Variants in SCO1 observed in about 807,000 individuals in gnomAD.
The protein encoded by SCO1 is cytochrome c oxidase assembly factor SCO1.
SCO1 carries 23 observed loss-of-function variants against 34.0 expected under a neutral mutation model. The observed-to-expected ratio is 0.68, with a 90% confidence interval of 0.49 to 0.96. The LOEUF (loss-of-function observed/expected upper bound fraction) is 0.96. Ranked by LOEUF, SCO1 falls within the 40% of genes least tolerant of loss-of-function variation. The pLI is 0.00. For synonymous variants in SCO1, 161 were observed against 145.5 expected, an observed-to-expected ratio of 1.11 and a Z score of -0.77; for missense variants, 404 against 381.6, an observed-to-expected ratio of 1.06 and a Z score of -0.49.
At chr17:10,690,142 T>A (rs1362974041) in intron 4 of SCO1, among the ~76,000 whole-genome samples, 1 of 151,880 alleles carries the variant, frequency 6.6e-6, no homozygotes, top group Non-Finnish European at 1.5e-5. Context: ...TGGGAAAAAA[T>A]TTGATAGATA....
intron 4 of SCO1, among the ~76,000 whole-genome samples, chr17:10,690,428 T>A (rs2520183): frequency 0.038 from 5,773 of 152,186 alleles, 369 homozygotes; most frequent in African/African-American, 0.13. Flanking sequence ...CCAACAAGTA[T>A]ATGAAAAAAT....
At chr17:10,696,071 T>TAAAAAAAAAAAAA (rs869243005) in intron 1 of SCO1, among the ~76,000 whole-genome samples, 1 of 73,024 alleles carries the variant, frequency 1.4e-5, no homozygotes, top group Non-Finnish European at 2.5e-5. Flanking sequence ...TTCATGTAAA[T>TAAAAAAAAAAAAA]AAAAAAAAAA....
chr17:10,691,956 TA>T lies in SCO1; in HGVS notation c.570del (p.Thr191GlnfsTer6). ...AGTGGAGTTAGATCTGGCAGAGTTGTAATGCTATCTGAAAGAGAGTTCCAAT... is the reference window on the plus strand; with the variant it reads ...AGTGGAGTTAGATCTGGCAGAGTTGTATGCTATCTGAAAGAGAGTTCCAAT... ...MIQVVDEIDS[I>X]TTLPDLTPLF... On this transcript the variant is annotated frameshift_variant, in exon 4 of 6. Coordinates refer to ENST00000255390, the MANE Select transcript of SCO1 (RefSeq NM_004589.4). LOFTEE classifies it high-confidence loss of function. 6.2e-7 allele frequency: 1 copy of T among 1,610,324 alleles called. No homozygotes were observed. Among genetic ancestry groups the T allele is most frequent in the South Asian group, 1.1e-5 (1 of 91,014 alleles).
In SCO1 at chr17:10,695,812, A is replaced by G; in HGVS notation, c.293T>C (p.Leu98Ser). 1 of 1,613,470 alleles carries G rather than the reference A, an allele frequency of 6.2e-7. No individual in the cohort carries two copies. Among genetic ancestry groups the G allele is most frequent in the Non-Finnish European group, 8.5e-7 (1 of 1,179,724 alleles). ...SKPGPVSWKS[L>S]AITFAIGGAL... The stretch of plus-strand genomic sequence containing the variant: ...TCCTCCAATAGCAAATGTGATTGCT[A>G]AAGACTTCCAGGAAACAGGCTACTG... Residue 98 changes from leucine (L) to serine (S), a missense_variant, in exon 2 of 6, where the codon TTA becomes TCA. Transcript: ENST00000255390.
chr17:10,687,390 G>A (rs2074663190), intron 4 of SCO1, among the ~76,000 whole-genome samples: 1 of 152,108 alleles, frequency 6.6e-6, no homozygotes, highest in Non-Finnish European at 1.5e-5. Context: ...CTGAAATAAG[G>A]GCAAATCATT....
Position 10,680,934 on chromosome 17 carries a change from A to C in SCO1, c.*185T>G, listed in dbSNP as rs552272489. On this transcript the variant is annotated 3_prime_UTR_variant, in exon 6 of 6. Transcript: ENST00000255390. The stretch of plus-strand genomic sequence containing the variant: ...GGAGACTTTGGGTTGTAATCTTTAC[A>C]GTTCCAAGAATCAATTTTGGTTGAA... 3 of 695,458 alleles carry C rather than the reference A, an allele frequency of 4.3e-6. No individual in the cohort carries two copies. The highest frequency in any genetic ancestry group is 3.6e-5 in the African/African-American group (2 of 56,050). The allele number at this position is 695,458 out of a possible 1,614,324, so 43.1% of individuals were successfully genotyped here.
Position 10,688,982 on chromosome 17 carries a change from A to G in SCO1, c.656-2140T>C, listed in dbSNP as rs367909501. On this transcript the variant is annotated intron_variant, in intron 4 of 5. Transcript: ENST00000255390. ...ATACAAAAAATTAGCCGGGCGTGGTAGCGGGCGCCTGTAGTCCCAGCTACT... is the reference window on the plus strand; with the variant it reads ...ATACAAAAAATTAGCCGGGCGTGGTGGCGGGCGCCTGTAGTCCCAGCTACT... 3.2e-4 allele frequency among the ~76,000 whole-genome samples: 48 copies of G among 148,144 alleles called. No individual in the cohort carries two copies. The East Asian group carries it at 7.0e-3, about 22-fold the overall frequency.
intron 4 of SCO1, among the ~76,000 whole-genome samples, chr17:10,691,161 C>T (rs116996237): frequency 0.027 from 4,146 of 152,252 alleles, 79 homozygotes; most frequent in Non-Finnish European, 0.039. Context: ...GCTCTGTTGC[C>T]CAGGCTGAAG....
intron 4 of SCO1, among the ~76,000 whole-genome samples, chr17:10,691,381 A>G (rs1381035156): frequency 6.6e-6 from 1 of 152,206 alleles, no homozygotes; most frequent in East Asian, 1.9e-4. Context: ...TTGGTCTCCC[A>G]AAGTGCTGGG....
chr17:10,674,994 T>C lies in SCO1; in HGVS notation c.*6125A>G, dbSNP rs2074571183. On this transcript the variant is annotated 3_prime_UTR_variant, in exon 6 of 6. Transcript: ENST00000255390. Reference sequence around the variant, plus strand: ...TCACCACAGCAGCCAACAAGGAATGTGCCCACTCTCCCCTTCAGTTTGCTC... The same window carrying C: ...TCACCACAGCAGCCAACAAGGAATGCGCCCACTCTCCCCTTCAGTTTGCTC... 6.6e-6 allele frequency: 1 copy of C among 152,342 alleles called. No individual in the cohort carries two copies. The highest frequency in any genetic ancestry group is 1.5e-5 in the Non-Finnish European group (1 of 68,160). The allele number at this position is 152,342 out of a possible 1,614,324, so 9.4% of individuals were successfully genotyped here.
In SCO1 at chr17:10,695,751, T is replaced by G. The variant is rs765689194; in HGVS notation, c.354A>C (p.Glu118Asp). The G allele has an allele frequency of 8.1e-6, 13 of 1,611,256 alleles. No individual in the cohort carries two copies. Among genetic ancestry groups the G allele is most frequent in the Non-Finnish European group, 1.0e-5 (12 of 1,177,730 alleles). The change falls in exon 2 of 6, where the codon GAA becomes GAC. Residue 118 changes from glutamate (E) to aspartate (D), a missense_variant. Physicochemically the swap from Glu to Asp is conservative, Grantham distance 45 (BLOSUM62 2). Transcript: ENST00000255390. Reference protein sequence around the residue: ...LLAGMKHVKKEKAEKLEKERQ... With the variant: ...LLAGMKHVKKDKAEKLEKERQ... ...TGATAATCTACTTACTCTCTGCCTTTTCTTTCTTGACGTGCTTCATTCCAG... is the reference window on the plus strand; with the variant it reads ...TGATAATCTACTTACTCTCTGCCTTGTCTTTCTTGACGTGCTTCATTCCAG...
Position 10,674,451 on chromosome 17 carries a change from A to C in SCO1, c.*6668T>G, listed in dbSNP as rs566831352. 49 of 284,704 alleles carry C rather than the reference A, an allele frequency of 1.7e-4. No homozygotes were observed. The East Asian group carries it at 2.0e-3, about 12-fold the overall frequency. 17.6% of individuals were successfully genotyped at this position (284,704 alleles called of 1,614,324 possible). On this transcript the variant is annotated 3_prime_UTR_variant, in exon 6 of 6. Transcript: ENST00000255390. Reference sequence around the variant, plus strand: ...CAAAACAAACAAACAAACAAACAAAAAAACAGACTGTGATTGAGGAGAGCT... The same window carrying C: ...CAAAACAAACAAACAAACAAACAAACAAACAGACTGTGATTGAGGAGAGCT...
Position 10,677,908 on chromosome 17 carries a change from G to T in SCO1, c.*3211C>A, listed in dbSNP as rs1318642143. The T allele has an allele frequency of 6.6e-6, 1 of 152,250 alleles. No homozygotes were observed. Among genetic ancestry groups the T allele is most frequent in the Non-Finnish European group, 1.5e-5 (1 of 68,124 alleles). 9.4% of individuals were successfully genotyped at this position (152,250 alleles called of 1,614,324 possible). A position where few individuals can be genotyped will look rare whatever the true frequency, so the allele number is the denominator to read the frequency against. ...GAGGCGGCGGATCACCTGAGGTCGG[G>T]AGTTTGAGACCAGTCTGACCAACAT... On this transcript the variant is annotated 3_prime_UTR_variant, in exon 6 of 6. Coordinates refer to ENST00000255390, the MANE Select transcript of SCO1 (RefSeq NM_004589.4).
chr17:10,677,136 T>C lies in SCO1; in HGVS notation c.*3983A>G, dbSNP rs149087000. On this transcript the variant is annotated 3_prime_UTR_variant, in exon 6 of 6. Coordinates refer to ENST00000255390, the MANE Select transcript of SCO1 (RefSeq NM_004589.4). ...AGCCTGACCAACATGGAGAAACCCG[T>C]CTCTACTAAAAATACAAAAATTTAG... is the stretch of plus-strand genomic sequence containing the variant. 81 of 152,166 alleles carry C rather than the reference T, an allele frequency of 5.3e-4. No homozygotes were observed. The East Asian group carries it at 9.8e-3, about 19-fold the overall frequency. The allele number at this position is 152,166 out of a possible 1,614,324, so 9.4% of individuals were successfully genotyped here. A position where few individuals can be genotyped will look rare whatever the true frequency, so the allele number is the denominator to read the frequency against.
chr17:10,673,436 C>G lies in SCO1; in HGVS notation c.*7683G>C, dbSNP rs1405474794. ...GCTTTCTGAATGTACGGGGCTGAGG[C>G]TGGTACAGGGAAAAGTGAGCCATAC... On this transcript the variant is annotated 3_prime_UTR_variant, in exon 6 of 6. Coordinates refer to ENST00000255390, the MANE Select transcript of SCO1 (RefSeq NM_004589.4). 1 of 152,240 alleles carries G rather than the reference C, an allele frequency of 6.6e-6. No individual in the cohort carries two copies. Among genetic ancestry groups the G allele is most frequent in the Non-Finnish European group, 1.5e-5 (1 of 68,078 alleles). The allele number at this position is 152,240 out of a possible 1,614,324, so 9.4% of individuals were successfully genotyped here. A position where few individuals can be genotyped will look rare whatever the true frequency, so the allele number is the denominator to read the frequency against.
In SCO1 at chr17:10,689,093, G is replaced by T. The variant is rs1412788100; in HGVS notation, c.656-2251C>A. 1.6e-4 allele frequency among the ~76,000 whole-genome samples: 19 copies of T among 115,878 alleles called. 1 individual carries two copies. In the Admixed American group the frequency reaches 2.0e-3, roughly 12 times the overall value. The allele number at this position is 115,878 out of a possible 152,430, so 76.0% of individuals were successfully genotyped here. The stretch of plus-strand genomic sequence containing the variant: ...ATCCCGCCACTGCACTCCAGCCTGG[G>T]CGACAGAGCGAGACTCCGTCTCAAA... On this transcript the variant is annotated intron_variant, in intron 4 of 5. Coordinates refer to ENST00000255390, the MANE Select transcript of SCO1 (RefSeq NM_004589.4).
At chr17:10,694,806 A>G (rs2074711842) in intron 2 of SCO1, among the ~76,000 whole-genome samples, 2 of 152,182 alleles carry the variant, frequency 1.3e-5, no homozygotes, top group Middle Eastern at 3.2e-3. Flanking sequence ...ACTGCTTATT[A>G]GACTATGAAA....
intron 1 of SCO1, 51 bp from the exon 2 acceptor site, chr17:10,695,882 TTAACCATACA>T: frequency 1.5e-6 from 2 of 1,326,892 alleles, no homozygotes; most frequent in Non-Finnish European, 2.2e-6. Flanking sequence ...ATGCAAACAT[TTAACCATACA>T]AACTTATTAA....
chr17:10,695,635 A>G, intron 2 of SCO1, 106 bp downstream of exon 2: 1 of 804,794 alleles, frequency 1.2e-6, no homozygotes, highest in Non-Finnish European at 2.1e-6. Context: ...TTTTTTGGTA[A>G]ATCTAAAGTT....
Sources: gnomAD v4.1 joint callset for allele counts (sites outside exome capture counted in the v4.1 genomes callset) on GRCh38, gnomAD v4.1.1 for gene constraint, MANE v1.5 for transcripts, NCBI Gene and HGNC (gene_info 2026-07-23, HGNC 2026-07-21) for gene names.